PPM1L: variants seen among roughly 807,000 people sequenced by gnomAD.
PPM1L encodes protein phosphatase 1L.
A neutral mutation model predicts 31.4 loss-of-function variants in PPM1L; 13 were observed. The ratio of observed to expected loss-of-function variants is 0.41; its 90% confidence interval spans 0.27 to 0.66. The LOEUF (loss-of-function observed/expected upper bound fraction) is 0.66. Among genes scored for constraint, PPM1L ranks in the 30% least tolerant of loss-of-function variants. The pLI, the probability that PPM1L is intolerant of heterozygous loss-of-function variation, is 0.29. For synonymous variants in PPM1L, 184 were observed against 175.4 expected (o/e 1.05, Z -0.39); for missense variants, 326 against 453.7 (o/e 0.72, Z 2.56).
intron 2 of PPM1L, among the ~76,000 whole-genome samples, chr3:160,965,465 C>A (rs910323856): frequency 1.3e-5 from 2 of 152,042 alleles, no homozygotes; most frequent in African/African-American, 4.8e-5. Flanking sequence ...TGAGATTCAA[C>A]ACTTTATTCC....
chr3:160,880,511 T>G (rs1276881032), intron 1 of PPM1L, among the ~76,000 whole-genome samples: 1 of 152,128 alleles, frequency 6.6e-6, no homozygotes, highest in Non-Finnish European at 1.5e-5. Flanking sequence ...GTCATAATGT[T>G]TTACTGCAGT....
At chr3:160,772,795 A>C (rs1470958574) in intron 1 of PPM1L, among the ~76,000 whole-genome samples, 3 of 152,088 alleles carry the variant, frequency 2.0e-5, no homozygotes, top group African/African-American at 7.2e-5. Flanking sequence ...ATTTTGTAAA[A>C]CTTTATATAA....
chr3:160,805,286 C>T (rs1712562732), intron 1 of PPM1L, among the ~76,000 whole-genome samples: 1 of 151,856 alleles, frequency 6.6e-6, no homozygotes, highest in African/African-American at 2.4e-5. Flanking sequence ...AGTAATAATT[C>T]CTGTATTAAA....
chr3:160,993,440 T>G (rs1717200331), intron 2 of PPM1L, among the ~76,000 whole-genome samples: 1 of 152,166 alleles, frequency 6.6e-6, no homozygotes, highest in Non-Finnish European at 1.5e-5. Context: ...CTACAATCTT[T>G]CATACTAAAG....
chr3:161,069,108 C>T lies in PPM1L; in HGVS notation c.1034C>T (p.Thr345Ile), dbSNP rs1470795360. Residue 345 changes from threonine (T) to isoleucine (I), a missense_variant, in exon 4 of 4, where the codon ACA becomes ATA. Thr to Ile is a moderately conservative substitution (Grantham distance 89, BLOSUM62 -1). Transcript: ENST00000498165. The part of the protein sequence containing the change: ...SFYRGCPDNI[T>I]VMVVKFRNSS... ...TACAGAGGCTGCCCTGACAATATAA[C>T]AGTCATGGTGGTGAAGTTCAGAAAT... is the stretch of plus-strand genomic sequence containing the variant. The T allele has an allele frequency of 6.2e-7, 1 of 1,614,032 alleles. No homozygotes were observed. The highest frequency in any genetic ancestry group is 8.5e-7 in the Non-Finnish European group (1 of 1,180,008).
intron 2 of PPM1L, among the ~76,000 whole-genome samples, chr3:161,005,448 G>T (rs986428282): frequency 1.3e-5 from 2 of 152,166 alleles, no homozygotes; most frequent in Non-Finnish European, 2.9e-5. Context: ...GTTTTCTGGA[G>T]TTTAGGAAAA....
chr3:160,939,784 G>C (rs1438868943), intron 1 of PPM1L: 1 of 164,156 alleles, frequency 6.1e-6, no homozygotes, highest in Non-Finnish European at 1.3e-5. Flanking sequence ...CATGAAAATG[G>C]ACTAATACAG....
rs115956143 is a variant in PPM1L at position 160,979,629 on chromosome 3, C to T, written c.574+17719C>T. 6.4e-3 allele frequency among the ~76,000 whole-genome samples: 977 copies of T among 152,120 alleles called. 12 individuals are homozygous for T. The highest frequency in any genetic ancestry group is 0.022 in the African/African-American group (931 of 41,544). ...TTACCTTCCACAGATAAGAAACTCA[C>T]AAGAGTGGTTACTTTGGGAATGAGG... On this transcript the variant is annotated intron_variant, in intron 2 of 3. Transcript: ENST00000498165.
chr3:160,959,577 C>T (rs1715886850), intron 1 of PPM1L, among the ~76,000 whole-genome samples: 1 of 152,208 alleles, frequency 6.6e-6, no homozygotes, highest in African/African-American at 2.4e-5. Context: ...CGCCTGTAAT[C>T]TCAGCTTTTT....
chr3:161,006,675 C>G, intron 2 of PPM1L, among the ~76,000 whole-genome samples: 1 of 136,672 alleles, frequency 7.3e-6, no homozygotes, highest in Admixed American at 7.3e-5. Context: ...AACCCACCGT[C>G]TTTCCTTTTT....
intron 1 of PPM1L, among the ~76,000 whole-genome samples, chr3:160,841,621 A>C (rs1204439639): frequency 6.6e-6 from 1 of 152,168 alleles, no homozygotes; most frequent in Non-Finnish European, 1.5e-5. Flanking sequence ...TCTTCCACAG[A>C]CTGCAGGGTG....
chr3:160,916,155 A>T (rs1714172881), intron 1 of PPM1L, among the ~76,000 whole-genome samples: 1 of 152,140 alleles, frequency 6.6e-6, no homozygotes, highest in Non-Finnish European at 1.5e-5. Flanking sequence ...TTTGCAACCT[A>T]CTCATCTGAC....
At position 160,820,080 on chromosome 3, in the gene PPM1L, C is replaced by T. The variant is rs1713147873; in HGVS notation, c.399+63373C>T. On this transcript the variant is annotated intron_variant, in intron 1 of 3. Transcript: ENST00000498165. ...AGTCCAGATCGGAGGTGGGAAGAGA[C>T]CAAAGGTGAGGAGACCAGTTGGAGG... is the stretch of plus-strand genomic sequence containing the variant. 2.6e-5 allele frequency among the ~76,000 whole-genome samples: 4 copies of T among 151,950 alleles called. No individual in the cohort carries two copies. The South Asian group carries it at 6.2e-4, about 24-fold the overall frequency.
chr3:160,922,246 C>G (rs1467652740), intron 1 of PPM1L, among the ~76,000 whole-genome samples: 1 of 151,286 alleles, frequency 6.6e-6, no homozygotes, highest in East Asian at 1.9e-4. Flanking sequence ...GGAGGTGGAG[C>G]TTGCAGTGAG....
At position 160,986,954 on chromosome 3, in the gene PPM1L, C is replaced by T. The variant is rs192449285; in HGVS notation, c.574+25044C>T. Among the ~76,000 whole-genome samples, 77 of 152,326 alleles carry T rather than the reference C, an allele frequency of 5.1e-4. 1 individual carries two copies. The highest frequency in any genetic ancestry group is 8.7e-4 in the Non-Finnish European group (59 of 68,034). On this transcript the variant is annotated intron_variant, in intron 2 of 3. Coordinates refer to ENST00000498165, the MANE Select transcript of PPM1L (RefSeq NM_139245.4). ...ATAAATAGTCCTTGAATTTACAACA[C>T]TCATTAGCTGATTGGTTGTCATTGT... is the stretch of plus-strand genomic sequence containing the variant.
chr3:160,816,174 C>T (rs916003631), intron 1 of PPM1L, among the ~76,000 whole-genome samples: 4 of 151,790 alleles, frequency 2.6e-5, no homozygotes, highest in African/African-American at 9.7e-5. Context: ...TTCTCTCCTC[C>T]TTAAGAGTAA....
intron 1 of PPM1L, among the ~76,000 whole-genome samples, chr3:160,899,453 C>T (rs1361722954): frequency 1.3e-5 from 2 of 152,120 alleles, no homozygotes; most frequent in East Asian, 3.9e-4. Flanking sequence ...ATAGAAGGCA[C>T]AGAATGGTTT....
In PPM1L at chr3:161,072,299, C is replaced by T. The variant is rs1162971913; in HGVS notation, c.*3142C>T. The T allele has an allele frequency of 2.0e-5, 3 of 152,204 alleles. No homozygotes were observed. Among genetic ancestry groups the T allele is most frequent in the Non-Finnish European group, 4.4e-5 (3 of 68,044 alleles). The allele number at this position is 152,204 out of a possible 1,614,324, so 9.4% of individuals were successfully genotyped here. On this transcript the variant is annotated 3_prime_UTR_variant, in exon 4 of 4. Transcript: ENST00000498165. ...GAATTGCTGTTCTAATGTGACATAT[C>T]TGTGTACATATGTACATAGTACTGG...
Position 161,069,263 on chromosome 3 carries a change from G to T in PPM1L, c.*106G>T. On this transcript the variant is annotated 3_prime_UTR_variant, in exon 4 of 4. Coordinates refer to ENST00000498165, the MANE Select transcript of PPM1L (RefSeq NM_139245.4). ...GTTGTAATTAGGATCATCCACCCCAGACATGGAATCCCCCCTCCCTGGTGG... is the reference window on the plus strand; with the variant it reads ...GTTGTAATTAGGATCATCCACCCCATACATGGAATCCCCCCTCCCTGGTGG... The T allele has an allele frequency of 1.2e-6, 1 of 848,656 alleles. No individual in the cohort carries two copies. The highest frequency in any genetic ancestry group is 1.8e-6 in the Non-Finnish European group (1 of 561,954). The allele number at this position is 848,656 out of a possible 1,614,324, so 52.6% of individuals were successfully genotyped here.
Sources: allele counts gnomAD v4.1 joint callset (sites outside exome capture counted in the v4.1 genomes callset), GRCh38; gene constraint gnomAD v4.1.1; transcripts MANE v1.5; gene names NCBI Gene and HGNC (gene_info 2026-07-23, HGNC 2026-07-21).